The following ATAD1 variants were observed in gnomAD, a reference collection of about 807,000 sequenced individuals.
The protein encoded by ATAD1 is ATPase family AAA domain containing 1, also known as outer mitochondrial transmembrane helix translocase.
ATAD1 carries 18 observed loss-of-function variants against 42.7 expected under a neutral mutation model. The observed-to-expected ratio is 0.42, with a 90% CI of 0.29 to 0.63. The LOEUF (loss-of-function observed/expected upper bound fraction) is 0.63. Among genes scored for constraint, ATAD1 ranks in the 20% least tolerant of loss-of-function variants. The pLI, the probability that ATAD1 is intolerant of heterozygous loss-of-function variation, is 0.19. For missense variants in ATAD1, 294 were observed against 440.4 expected (o/e 0.67, Z 2.98); for synonymous variants, 132 against 143.1 (o/e 0.92, Z 0.55).
intron 2 of ATAD1, among the ~76,000 whole-genome samples, chr10:87,814,087 C>G (rs1857306314): frequency 2.6e-5 from 4 of 152,064 alleles, no homozygotes; most frequent in Admixed American, 2.6e-4. Context: ...AGATGTCATA[C>G]ACAGCAAAAG....
At chr10:87,761,491 A>G (rs1287442731) in intron 8 of ATAD1, among the ~76,000 whole-genome samples, 2 of 151,986 alleles carry the variant, frequency 1.3e-5, no homozygotes, top group African/African-American at 4.8e-5. Context: ...GCGAAACCCC[A>G]TTTCTACTAA....
At chr10:87,771,170 T>A in intron 6 of ATAD1, 129 bp from the exon 7 acceptor site, 1 of 612,400 alleles carries the variant, frequency 1.6e-6, no homozygotes, top group Non-Finnish European at 2.7e-6. Flanking sequence ...AATCTGATTT[T>A]AAATCACTAT....
intron 7 of ATAD1, among the ~76,000 whole-genome samples, chr10:87,768,837 A>G (rs1261341297): frequency 6.6e-6 from 1 of 152,168 alleles, no homozygotes; most frequent in East Asian, 1.9e-4. Flanking sequence ...TAATCCTAAC[A>G]CTTTGGGAGG....
At chr10:87,834,245 G>T (rs1857890418) in intron 1 of ATAD1, among the ~76,000 whole-genome samples, 1 of 152,176 alleles carries the variant, frequency 6.6e-6, no homozygotes, top group South Asian at 2.1e-4. Context: ...ATATTGTATG[G>T]TTTTTTCTTG....
intron 9 of ATAD1, among the ~76,000 whole-genome samples, 189 bp from the exon 10 acceptor site, chr10:87,754,996 A>G (rs546433260): frequency 6.6e-6 from 1 of 152,344 alleles, no homozygotes; most frequent in South Asian, 2.1e-4. Flanking sequence ...GAACAGCTTC[A>G]TGTAAATGCT....
At chr10:87,810,548 G>A (rs1857132475) in intron 2 of ATAD1, among the ~76,000 whole-genome samples, 1 of 152,034 alleles carries the variant, frequency 6.6e-6, no homozygotes, top group African/African-American at 2.4e-5. Flanking sequence ...CACACAAATA[G>A]AAATGTTATA....
At chr10:87,775,570 T>C (rs559201358) in intron 6 of ATAD1, among the ~76,000 whole-genome samples, 34 of 144,360 alleles carry the variant, frequency 2.4e-4, no homozygotes, top group Admixed American at 8.4e-4. Flanking sequence ...TCCAGCAATC[T>C]GGCTGAAAAA....
chr10:87,812,269 G>A (rs141383688), intron 2 of ATAD1, among the ~76,000 whole-genome samples: 1 of 151,978 alleles, frequency 6.6e-6, no homozygotes, highest in African/African-American at 2.4e-5. Flanking sequence ...TTGGTCAACA[G>A]CATATTTATT....
intron 5 of ATAD1, 38 bp downstream of exon 5, chr10:87,784,431 AT>A: frequency 3.8e-6 from 6 of 1,575,226 alleles, no homozygotes; most frequent in Non-Finnish European, 5.2e-6. Context: ...ATCTCTAAAA[AT>A]GGCCTTTAAA....
chr10:87,827,040 G>A (rs1234099232), intron 1 of ATAD1, among the ~76,000 whole-genome samples: 1 of 152,102 alleles, frequency 6.6e-6, no homozygotes, highest in Non-Finnish European at 1.5e-5. Context: ...ACCCAACACA[G>A]GAAATTTATC....
At chr10:87,840,132 CTTAA>C (rs1232780538) in intron 1 of ATAD1, among the ~76,000 whole-genome samples, 2 of 152,126 alleles carry the variant, frequency 1.3e-5, no homozygotes, top group Admixed American at 1.3e-4. Context: ...GAAATTAAAC[CTTAA>C]TTGTGATTTG....
At chr10:87,774,010 T>C (rs536826940) in intron 6 of ATAD1, among the ~76,000 whole-genome samples, 4 of 152,338 alleles carry the variant, frequency 2.6e-5, no homozygotes, top group Non-Finnish European at 4.4e-5. Flanking sequence ...GTTATGTTTT[T>C]TCTTGAACCA....
intron 1 of ATAD1, among the ~76,000 whole-genome samples, chr10:87,835,611 C>T (rs1051943757): frequency 1.3e-5 from 2 of 152,072 alleles, no homozygotes; most frequent in African/African-American, 2.4e-5. Context: ...TTTTACCAAC[C>T]TGTTCAGTGG....
At chr10:87,755,236 T>C (rs183758873) in intron 9 of ATAD1, among the ~76,000 whole-genome samples, 2 of 152,334 alleles carry the variant, frequency 1.3e-5, no homozygotes, top group African/African-American at 4.8e-5. Context: ...TCTAGGTATA[T>C]ACTTACATGC....
chr10:87,776,399 A>G lies in ATAD1; in HGVS notation c.612T>C (p.Ser204=), dbSNP rs773777737. ...TCATCATGGCTGTAGCTTCATGGTC[A>G]GAACTTGAACGGTTTCGTAGAAAGG... The part of the protein sequence containing the change: ...IDSFLRNRSS[S]DHEATAMMKA... Residue 204 remains serine, a synonymous_variant, in exon 6 of 10, where the codon TCT becomes TCC. Coordinates refer to ENST00000680024, the MANE Select transcript of ATAD1 (RefSeq NM_001321967.2). The G allele has an allele frequency of 6.2e-7, 1 of 1,613,890 alleles. No individual in the cohort carries two copies. Among genetic ancestry groups the G allele is most frequent in the Non-Finnish European group, 8.5e-7 (1 of 1,179,834 alleles).
At chr10:87,769,779 C>G (rs1489938692) in intron 7 of ATAD1, among the ~76,000 whole-genome samples, 2 of 152,058 alleles carry the variant, frequency 1.3e-5, no homozygotes, top group Non-Finnish European at 2.9e-5. Context: ...AACCCCGTCT[C>G]TACTAATAAT....
At chr10:87,809,825 T>C (rs1857101916) in intron 2 of ATAD1, among the ~76,000 whole-genome samples, 1 of 152,000 alleles carries the variant, frequency 6.6e-6, no homozygotes, top group Admixed American at 6.6e-5. Context: ...TTTGTATTTT[T>C]AGTAGAGACA....
intron 4 of ATAD1, among the ~76,000 whole-genome samples, chr10:87,789,371 T>G (rs1188305842): frequency 1.3e-5 from 2 of 152,170 alleles, no homozygotes; most frequent in Non-Finnish European, 2.9e-5. Flanking sequence ...TATCTCTCAC[T>G]GTAAATTATT....
At chr10:87,770,833 A>G (rs573022429) in intron 7 of ATAD1, 119 bp downstream of exon 7, 2 of 742,180 alleles carry the variant, frequency 2.7e-6, no homozygotes, top group South Asian at 4.4e-5. Flanking sequence ...TTTCTGCCCC[A>G]TTCCTTCCCT....
Sources: allele counts gnomAD v4.1 joint callset (sites outside exome capture counted in the v4.1 genomes callset), GRCh38; gene constraint gnomAD v4.1.1; transcripts MANE v1.5; gene names NCBI Gene and HGNC (gene_info 2026-07-23, HGNC 2026-07-21).